The following MND1 variants were observed in gnomAD, a reference collection of about 807,000 sequenced individuals.
The protein encoded by MND1 is meiotic nuclear division protein 1 homolog.
MND1 carries 28 observed loss-of-function variants against 35.1 expected under a neutral mutation model. The observed-to-expected ratio is 0.80, with a 90% CI of 0.59 to 1.09. The LOEUF is 1.09. MND1 is among the 50% of genes least tolerant of loss of function. The probability of loss-of-function intolerance (pLI) is 0.00; values close to 1 mark genes in which losing one functional copy is unlikely to be tolerated. For synonymous variants in MND1, 69 were observed against 70.5 expected, an observed-to-expected ratio of 0.98 and a Z score of 0.11; for missense variants, 213 against 239.6, an observed-to-expected ratio of 0.89 and a Z score of 0.73.
At chr4:153,346,873 A>G (rs530193797) in intron 1 of MND1, among the ~76,000 whole-genome samples, 41 of 152,346 alleles carry the variant, frequency 2.7e-4, no homozygotes, top group African/African-American at 9.1e-4. Flanking sequence ...GCTTTCTGCT[A>G]GTGCAGCGAC....
At chr4:153,364,409 C>T (rs979103055) in intron 4 of MND1, among the ~76,000 whole-genome samples, 2 of 151,184 alleles carry the variant, frequency 1.3e-5, no homozygotes, top group African/African-American at 2.4e-5. Context: ...CCCGGCTATT[C>T]GAGAGGCTGA....
chr4:153,358,364 T>A, intron 3 of MND1, 110 bp from the exon 4 acceptor site: 1 of 926,686 alleles, frequency 1.1e-6, no homozygotes, highest in Non-Finnish European at 1.5e-6. Flanking sequence ...CTTATTAACT[T>A]TTTAACTCTT....
At position 153,345,581 on chromosome 4, in the gene MND1, G is replaced by T. The variant is rs776475780; in HGVS notation, c.3+841G>T. 2.0e-3 allele frequency: 1,936 copies of T among 968,714 alleles called. 6 individuals carry two copies. The highest frequency in any genetic ancestry group is 2.2e-3 in the Non-Finnish European group (1,814 of 814,874). The allele number at this position is 968,714 out of a possible 1,614,324, so 60.0% of individuals were successfully genotyped here. On this transcript the variant is annotated intron_variant, in intron 1 of 7. Transcript: ENST00000240488. The stretch of plus-strand genomic sequence containing the variant: ...TCATAAACCTTCAAAGTTTCATGCC[G>T]TTTTTTCTGCTTCAGTTGGCGAAGA...
intron 4 of MND1, among the ~76,000 whole-genome samples, chr4:153,389,414 G>A (rs1728959620): frequency 6.6e-6 from 1 of 152,154 alleles, no homozygotes; most frequent in South Asian, 2.1e-4. Flanking sequence ...AGGCTGGAGT[G>A]CAGTAGTGCA....
At chr4:153,369,854 AC>A (rs1308666036) in intron 4 of MND1, among the ~76,000 whole-genome samples, 11 of 152,096 alleles carry the variant, frequency 7.2e-5, no homozygotes, top group Admixed American at 2.6e-4. Context: ...GTCCTCTCAA[AC>A]CCTGCCTCTA....
Position 153,372,491 on chromosome 4 carries a change from T to G in MND1, c.276+13869T>G, listed in dbSNP as rs370779623. On this transcript the variant is annotated intron_variant, in intron 4 of 7. Transcript: ENST00000240488. Reference sequence around the variant, plus strand: ...CTGCTCATATTTAAAGTGTATTCTTTTATAACCTTTGGCATATGTATGTGT... The same window carrying G: ...CTGCTCATATTTAAAGTGTATTCTTGTATAACCTTTGGCATATGTATGTGT... Among the ~76,000 whole-genome samples, 18 of 152,336 alleles carry G rather than the reference T, an allele frequency of 1.2e-4. No homozygotes were observed. The East Asian group carries it at 2.9e-3, about 24-fold the overall frequency.
At chr4:153,412,253 C>T (rs2149661347) in intron 7 of MND1, among the ~76,000 whole-genome samples, 1 of 152,222 alleles carries the variant, frequency 6.6e-6, no homozygotes, top group East Asian at 1.9e-4. Flanking sequence ...TGGAAATAAA[C>T]TTCCATAGAA....
At chr4:153,359,935 A>C (rs1276836188) in intron 4 of MND1, among the ~76,000 whole-genome samples, 1 of 151,702 alleles carries the variant, frequency 6.6e-6, no homozygotes, top group African/African-American at 2.4e-5. Flanking sequence ...TTACAGGTGC[A>C]CACCACCACA....
chr4:153,362,310 T>C (rs1473315808), intron 4 of MND1, among the ~76,000 whole-genome samples: 1 of 152,226 alleles, frequency 6.6e-6, no homozygotes, highest in Non-Finnish European at 1.5e-5. Context: ...TGGCAAGTGA[T>C]TGGATCTTGG....
chr4:153,345,855 TAGC>T (rs1210106833), intron 1 of MND1, among the ~76,000 whole-genome samples: 1 of 152,250 alleles, frequency 6.6e-6, no homozygotes, highest in Non-Finnish European at 1.5e-5. Context: ...ACAAATCTGT[TAGC>T]AGTGCCCTTC....
intron 4 of MND1, among the ~76,000 whole-genome samples, chr4:153,369,014 G>C (rs1773726791): frequency 6.6e-6 from 1 of 152,250 alleles, no homozygotes; most frequent in South Asian, 2.1e-4. Context: ...GTGAGGTATA[G>C]TCAAACTGTT....
At chr4:153,399,769 C>T (rs1187002856) in intron 6 of MND1, among the ~76,000 whole-genome samples, 3 of 151,836 alleles carry the variant, frequency 2.0e-5, no homozygotes, top group African/African-American at 7.3e-5. Flanking sequence ...AAATTTATAA[C>T]TTTGGTAATT....
intron 2 of MND1, among the ~76,000 whole-genome samples, chr4:153,354,307 C>T (rs1039275117): frequency 6.6e-6 from 1 of 152,118 alleles, no homozygotes; most frequent in African/African-American, 2.4e-5. Context: ...TTCCATGAAA[C>T]CTTAAATGTA....
At chr4:153,397,068 A>G (rs1223686126) in intron 5 of MND1, 151 bp from the exon 6 acceptor site, 2 of 492,352 alleles carry the variant, frequency 4.1e-6, no homozygotes, top group Non-Finnish European at 3.7e-6. Context: ...TATACTGTGA[A>G]TATCTGTGTG....
At chr4:153,391,720 T>C (rs528275218) in intron 4 of MND1, among the ~76,000 whole-genome samples, 1 of 67,326 alleles carries the variant, frequency 1.5e-5, no homozygotes, top group East Asian at 3.7e-4. Flanking sequence ...AGAGTGAAAC[T>C]CCATCATACA....
chr4:153,346,070 G>A (rs542934005), intron 1 of MND1, among the ~76,000 whole-genome samples: 1 of 152,350 alleles, frequency 6.6e-6, no homozygotes, highest in South Asian at 2.1e-4. Context: ...TTGATAAGAT[G>A]TGGACTTCCT....
At chr4:153,387,302 TA>T (rs1728896265) in intron 4 of MND1, among the ~76,000 whole-genome samples, 1 of 152,174 alleles carries the variant, frequency 6.6e-6, no homozygotes, top group Admixed American at 6.5e-5. Context: ...GTTGTGTAAT[TA>T]TGACATATTT....
chr4:153,372,029 G>A (rs1773802010), intron 4 of MND1, among the ~76,000 whole-genome samples: 1 of 152,022 alleles, frequency 6.6e-6, no homozygotes, highest in Non-Finnish European at 1.5e-5. Context: ...TGGGGGAACG[G>A]TGAGTCACTG....
chr4:153,409,010 G>A lies in MND1; in HGVS notation c.506G>A (p.Trp169Ter). Residue 169 changes from tryptophan to a stop codon, truncating the protein, a stop_gained, in exon 7 of 8, where the codon TGG (tryptophan) becomes TAG (stop). Transcript: ENST00000240488. LOFTEE classifies it high-confidence loss of function. Reference protein sequence around the residue: ...NKVAKEAANRWTDNIFAIKSW... With the variant: ...NKVAKEAANR ...GTAGCCAAAGAAGCTGCTAACAGAT[G>A]GACTGGTATGTACTATAATAATGCT... The A allele has an allele frequency of 7.2e-7, 1 of 1,384,500 alleles. No homozygotes were observed. The highest frequency in any genetic ancestry group is 9.4e-7 in the Non-Finnish European group (1 of 1,062,306). 85.8% of individuals were successfully genotyped at this position (1,384,500 alleles called of 1,614,324 possible). A position where few individuals can be genotyped will look rare whatever the true frequency, so the allele number is the denominator to read the frequency against.
Sources: allele counts gnomAD v4.1 joint callset (sites outside exome capture counted in the v4.1 genomes callset), GRCh38; gene constraint gnomAD v4.1.1; transcripts MANE v1.5; gene names NCBI Gene and HGNC (gene_info 2026-07-23, HGNC 2026-07-21).